The following RNF13 variants were observed in gnomAD, a reference collection of about 807,000 sequenced individuals.
RNF13 encodes ring finger protein 13.
RNF13 carries 19 observed loss-of-function variants against 37.7 expected under a neutral mutation model. That is an observed-to-expected ratio of 0.50 (90% CI 0.35 to 0.74). The LOEUF is 0.74. Ranked by LOEUF, RNF13 falls within the 30% of genes least tolerant of loss-of-function variation. RNF13 has a pLI of 0.01. For synonymous variants in RNF13, 144 were observed against 157.8 expected, an observed-to-expected ratio of 0.91 and a Z score of 0.65; for missense variants, 375 against 453.0, an observed-to-expected ratio of 0.83 and a Z score of 1.56.
intron 7 of RNF13, among the ~76,000 whole-genome samples, chr3:149,918,659 G>C (rs112661097): frequency 0.076 from 11,478 of 151,112 alleles, 476 homozygotes; most frequent in Middle Eastern, 0.1. Flanking sequence ...AAGTAGCTGG[G>C]ACTAGAGGCG....
At chr3:149,834,396 T>C (rs1721380691) in intron 1 of RNF13, among the ~76,000 whole-genome samples, 1 of 152,182 alleles carries the variant, frequency 6.6e-6, no homozygotes, top group Admixed American at 6.5e-5. Context: ...GATAGACATA[T>C]AGAGCAATGG....
chr3:149,859,736 T>C (rs1724031596), intron 3 of RNF13, among the ~76,000 whole-genome samples: 1 of 152,194 alleles, frequency 6.6e-6, no homozygotes, highest in South Asian at 2.1e-4. Flanking sequence ...TAAGATGATA[T>C]AGATATGAAA....
intron 8 of RNF13, among the ~76,000 whole-genome samples, chr3:149,935,135 A>AT (rs779515328): frequency 1.3e-5 from 2 of 151,992 alleles, no homozygotes; most frequent in Non-Finnish European, 2.9e-5. Flanking sequence ...TTATATAGTG[A>AT]TTTTTTGGGT....
intron 8 of RNF13, among the ~76,000 whole-genome samples, chr3:149,937,713 C>T (rs549494673): frequency 1.5e-3 from 234 of 152,152 alleles, no homozygotes; most frequent in Non-Finnish European, 2.9e-3. Flanking sequence ...TTAATCTTCA[C>T]ATGTTTGGGA....
intron 6 of RNF13, among the ~76,000 whole-genome samples, chr3:149,906,743 C>T (rs915356669): frequency 1.3e-5 from 2 of 149,630 alleles, no homozygotes; most frequent in South Asian, 2.1e-4. Context: ...CCTTGATCTC[C>T]GAGGCTCAGG....
At chr3:149,927,593 G>T (rs1718774844) in intron 8 of RNF13, among the ~76,000 whole-genome samples, 1 of 152,128 alleles carries the variant, frequency 6.6e-6, no homozygotes, top group Admixed American at 6.5e-5. Context: ...ATGCTCAAGG[G>T]TTCATATTTC....
intron 1 of RNF13, among the ~76,000 whole-genome samples, chr3:149,820,504 A>G (rs1244836216): frequency 1.3e-5 from 2 of 152,210 alleles, no homozygotes; most frequent in Non-Finnish European, 2.9e-5. Context: ...TAGATGTGAA[A>G]CACCTCATTA....
At chr3:149,814,860 T>C (rs1719262280) in intron 1 of RNF13, among the ~76,000 whole-genome samples, 3 of 152,218 alleles carry the variant, frequency 2.0e-5, no homozygotes, top group Admixed American at 2.0e-4. Context: ...TAATTTTTTT[T>C]TGTTTTGTTG....
chr3:149,856,356 T>C (rs1723649270), intron 3 of RNF13, among the ~76,000 whole-genome samples: 2 of 152,172 alleles, frequency 1.3e-5, no homozygotes, highest in Non-Finnish European at 2.9e-5. Flanking sequence ...TATAGTATTA[T>C]GTCTGTAAAA....
intron 4 of RNF13, among the ~76,000 whole-genome samples, chr3:149,893,174 A>T (rs1007610620): frequency 1.3e-5 from 2 of 152,190 alleles, no homozygotes; most frequent in Non-Finnish European, 1.5e-5. Flanking sequence ...AAGCTCAGCA[A>T]ACTACTTGCT....
At chr3:149,860,274 T>A (rs67265767) in intron 3 of RNF13, among the ~76,000 whole-genome samples, 42,234 of 93,842 alleles carry the variant, frequency 0.45, 9,914 homozygotes, top group East Asian at 0.63. Flanking sequence ...AAAAAAAATA[T>A]ATATATATAT....
chr3:149,874,000 G>GA (rs1351089984), intron 4 of RNF13, among the ~76,000 whole-genome samples: 2 of 152,066 alleles, frequency 1.3e-5, no homozygotes, highest in African/African-American at 4.8e-5. Flanking sequence ...ATATATTCTT[G>GA]AAAAACATGT....
chr3:149,872,197 T>G (rs1297372531), intron 4 of RNF13, 43 bp downstream of exon 4: 2 of 1,329,496 alleles, frequency 1.5e-6, no homozygotes, highest in African/African-American at 1.5e-5. Flanking sequence ...ATTTGTTCAG[T>G]TAGCTAATTT....
At chr3:149,920,752 A>C (rs1156303158) in intron 7 of RNF13, among the ~76,000 whole-genome samples, 1 of 140,224 alleles carries the variant, frequency 7.1e-6, no homozygotes, top group East Asian at 2.1e-4. Context: ...TGAAATTTTT[A>C]TCAGTTTGTA....
At chr3:149,877,472 C>CTTTT (rs369676407) in intron 4 of RNF13, among the ~76,000 whole-genome samples, 59 of 101,416 alleles carry the variant, frequency 5.8e-4, no homozygotes, top group East Asian at 8.5e-4. Flanking sequence ...TTCTTTCTGT[C>CTTTT]TTTTTTTTTT....
intron 5 of RNF13, among the ~76,000 whole-genome samples, chr3:149,898,600 T>G (rs1245901324): frequency 6.6e-6 from 1 of 152,120 alleles, no homozygotes; most frequent in Non-Finnish European, 1.5e-5. Context: ...AGTACCTAAG[T>G]TATTTAGTTG....
chr3:149,856,134 G>A (rs1048712672), intron 3 of RNF13, among the ~76,000 whole-genome samples: 13 of 150,930 alleles, frequency 8.6e-5, no homozygotes, highest in Non-Finnish European at 1.3e-4. Flanking sequence ...AAAAAAAAAC[G>A]GTGTTAGATA....
intron 4 of RNF13, among the ~76,000 whole-genome samples, chr3:149,882,444 A>G (rs1559927079): frequency 6.6e-6 from 1 of 152,190 alleles, no homozygotes; most frequent in Non-Finnish European, 1.5e-5. Flanking sequence ...GGCTTGAGAT[A>G]TACATAAACA....
intron 5 of RNF13, among the ~76,000 whole-genome samples, chr3:149,900,514 T>C (rs1576846109): frequency 6.6e-6 from 1 of 151,956 alleles, no homozygotes; most frequent in Admixed American, 6.6e-5. Context: ...TTACAGGCTG[T>C]AGTACACAAT....
Sources: gnomAD v4.1 joint callset for allele counts (sites outside exome capture counted in the v4.1 genomes callset) on GRCh38, gnomAD v4.1.1 for gene constraint, MANE v1.5 for transcripts, NCBI Gene and HGNC (gene_info 2026-07-23, HGNC 2026-07-21) for gene names.